The following TLE4 variants were observed in gnomAD, a reference collection of about 807,000 sequenced individuals.
The protein encoded by TLE4 is TLE family member 4, transcriptional corepressor.
Under a neutral mutation model 92.8 loss-of-function variants are expected in TLE4, and 8 were observed. That is an observed-to-expected ratio of 0.09 (90% confidence interval 0.05 to 0.16). The LOEUF is 0.16. Among genes scored for constraint, TLE4 ranks in the 10% least tolerant of loss-of-function variants. The pLI is 1.00. For missense variants in TLE4, 675 were observed against 997.6 expected (o/e 0.68, Z 4.36); for synonymous variants, 371 against 374.1 (o/e 0.99, Z 0.10).
chr9:79,685,145 A>T (rs1216310603), intron 8 of TLE4, among the ~76,000 whole-genome samples: 2 of 152,182 alleles, frequency 1.3e-5, no homozygotes, highest in Admixed American at 1.3e-4. Context: ...TGTTTGAAAT[A>T]ACACAAAGAG....
At chr9:79,645,299 G>C (rs948640090) in intron 6 of TLE4, among the ~76,000 whole-genome samples, 1 of 152,168 alleles carries the variant, frequency 6.6e-6, no homozygotes, top group Non-Finnish European at 1.5e-5. Flanking sequence ...TTGTTTCTAA[G>C]GAAGGTGCGT....
At position 79,664,997 on chromosome 9, in the gene TLE4, G is replaced by A. The variant is rs111247151; in HGVS notation, c.609+10922G>A. On this transcript the variant is annotated intron_variant, in intron 8 of 19. Transcript: ENST00000376552. ...TTTCACGATGGATGTAGTCTATTTG[G>A]TTAATTGTTAGGGTGAAAATTTCCT... Among the ~76,000 whole-genome samples, 219 of 152,160 alleles carry A rather than the reference G, an allele frequency of 1.4e-3. 1 individual carries two copies. The highest frequency in any genetic ancestry group is 3.9e-3 in the African/African-American group (163 of 41,514).
At chr9:79,642,347 C>T (rs1160338307) in intron 6 of TLE4, among the ~76,000 whole-genome samples, 4 of 151,966 alleles carry the variant, frequency 2.6e-5, no homozygotes, top group Non-Finnish European at 5.9e-5. Flanking sequence ...CCTCAAATGC[C>T]TGGGCTCAAG....
chr9:79,699,919 G>A (rs544855166), intron 8 of TLE4, among the ~76,000 whole-genome samples: 37 of 152,246 alleles, frequency 2.4e-4, no homozygotes, highest in African/African-American at 8.2e-4. Context: ...TAATTATGGG[G>A]CATCAGAATA....
chr9:79,572,696 G>A lies in TLE4; in HGVS notation c.-95G>A. 1 of 1,373,090 alleles carries A rather than the reference G, an allele frequency of 7.3e-7. No individual in the cohort carries two copies. Among genetic ancestry groups the A allele is most frequent in the Non-Finnish European group, 1.0e-6 (1 of 991,344 alleles). The allele number at this position is 1,373,090 out of a possible 1,614,324, so 85.1% of individuals were successfully genotyped here. A position where few individuals can be genotyped will look rare whatever the true frequency, so the allele number is the denominator to read the frequency against. On this transcript the variant is annotated 5_prime_UTR_variant, in exon 1 of 20. Transcript: ENST00000376552. Reference sequence around the variant, plus strand: ...CCCGAGCCGCCCCTCAGACCGAGCCGGCCGCCTCCGCTGCCGCGGCCGCCT... The same window carrying A: ...CCCGAGCCGCCCCTCAGACCGAGCCAGCCGCCTCCGCTGCCGCGGCCGCCT...
intron 8 of TLE4, among the ~76,000 whole-genome samples, chr9:79,676,945 A>G (rs913529752): frequency 6.6e-6 from 1 of 152,108 alleles, no homozygotes; most frequent in Non-Finnish European, 1.5e-5. Flanking sequence ...AATTTCTTTC[A>G]TGTGTTTGAA....
chr9:79,674,862 T>G (rs768589207), intron 8 of TLE4, among the ~76,000 whole-genome samples: 29 of 152,196 alleles, frequency 1.9e-4, no homozygotes, highest in Non-Finnish European at 3.8e-4. Context: ...GTTCAGAATC[T>G]GCTATCTGAT....
chr9:79,714,436 G>A (rs2136111440), intron 14 of TLE4, among the ~76,000 whole-genome samples: 1 of 152,196 alleles, frequency 6.6e-6, no homozygotes, highest in African/African-American at 2.4e-5. Context: ...TGAATTCCTG[G>A]ATTAAAACCA....
At chr9:79,688,717 C>T (rs1331744026) in intron 8 of TLE4, among the ~76,000 whole-genome samples, 1 of 151,592 alleles carries the variant, frequency 6.6e-6, no homozygotes, top group African/African-American at 2.4e-5. Flanking sequence ...ACATCAAAGC[C>T]TCGATGTTTA....
intron 4 of TLE4, among the ~76,000 whole-genome samples, chr9:79,593,385 T>A (rs1410735831): frequency 6.6e-6 from 1 of 152,154 alleles, no homozygotes; most frequent in Non-Finnish European, 1.5e-5. Context: ...TTATAGGCAA[T>A]TTGAATCTAA....
intron 6 of TLE4, among the ~76,000 whole-genome samples, chr9:79,631,734 C>T (rs1201258325): frequency 6.9e-6 from 1 of 144,748 alleles, no homozygotes; most frequent in African/African-American, 2.5e-5. Flanking sequence ...TCTTCTTTTC[C>T]GTTATAGATT....
chr9:79,625,130 C>T (rs2052230406), intron 5 of TLE4, among the ~76,000 whole-genome samples: 2 of 147,290 alleles, frequency 1.4e-5, no homozygotes, highest in Admixed American at 1.4e-4. Context: ...CGCCATTCTC[C>T]TGCCTCAGCC....
chr9:79,702,173 AG>A (rs2070120615), intron 8 of TLE4, among the ~76,000 whole-genome samples: 1 of 152,238 alleles, frequency 6.6e-6, no homozygotes, highest in Non-Finnish European at 1.5e-5. Context: ...GTAGGATACA[AG>A]GCCAGGACTC....
intron 6 of TLE4, among the ~76,000 whole-genome samples, chr9:79,643,067 T>G (rs2133973080): frequency 6.6e-6 from 1 of 152,330 alleles, no homozygotes; most frequent in African/African-American, 2.4e-5. Flanking sequence ...AACCTTTAGC[T>G]TTTTCTAGAG....
At chr9:79,642,531 A>G (rs560686687) in intron 6 of TLE4, among the ~76,000 whole-genome samples, 1 of 152,204 alleles carries the variant, frequency 6.6e-6, no homozygotes, top group African/African-American at 2.4e-5. Flanking sequence ...AAATAGAACC[A>G]TTGGTATCAG....
At chr9:79,652,463 A>T (rs2059175387) in intron 6 of TLE4, 130 bp from the exon 7 acceptor site, 7 of 941,480 alleles carry the variant, frequency 7.4e-6, no homozygotes, top group Non-Finnish European at 1.2e-5. Context: ...CTGGGATTAC[A>T]GGCGTGAGCC....
rs550112275 is a variant in TLE4, at chr9:79,671,214, C to G, written c.609+17139C>G. On this transcript the variant is annotated intron_variant, in intron 8 of 19. Coordinates refer to ENST00000376552, the MANE Select transcript of TLE4 (RefSeq NM_007005.6). ...GACTTTTATGTATTTTACAGCAAAA[C>G]TACTTGCTGCTCATAATGGATGAAA... 3.4e-4 allele frequency: 155 copies of G among 455,384 alleles called. 1 individual carries two copies. The highest frequency in any genetic ancestry group is 2.3e-3 in the South Asian group (150 of 64,456). The allele number at this position is 455,384 out of a possible 1,614,324, so 28.2% of individuals were successfully genotyped here. A position where few individuals can be genotyped will look rare whatever the true frequency, so the allele number is the denominator to read the frequency against.
At chr9:79,665,665 C>T (rs936363380) in intron 8 of TLE4, among the ~76,000 whole-genome samples, 3 of 152,210 alleles carry the variant, frequency 2.0e-5, no homozygotes, top group African/African-American at 7.2e-5. Context: ...GGGCCTTTTA[C>T]TCGAATTCAG....
intron 8 of TLE4, among the ~76,000 whole-genome samples, chr9:79,690,403 G>GATCAGAATTTATTCTTTAAC (rs954045223): frequency 3.3e-5 from 5 of 152,238 alleles, no homozygotes; most frequent in African/African-American, 9.6e-5. Flanking sequence ...TTTGAGTAAG[G>GATCAGAATTTATTCTTTAAC]ATCAGAATTT....
Sources: gnomAD v4.1 joint callset for allele counts (sites outside exome capture counted in the v4.1 genomes callset) on GRCh38, gnomAD v4.1.1 for gene constraint, MANE v1.5 for transcripts, NCBI Gene and HGNC (gene_info 2026-07-23, HGNC 2026-07-21) for gene names.